The following SOX5 variants were observed in gnomAD, a reference collection of about 807,000 sequenced individuals.
SOX5 encodes the protein transcription factor SOX-5.
In SOX5, 9 loss-of-function variants were observed where a neutral mutation model predicts 92.0. The observed-to-expected ratio is 0.10, with a 90% CI of 0.06 to 0.17. The LOEUF (loss-of-function observed/expected upper bound fraction) is 0.17. Ranked by LOEUF, SOX5 falls within the 10% of genes least tolerant of loss-of-function variation. The probability of loss-of-function intolerance (pLI) is 1.00; values close to 1 mark genes in which losing one functional copy is unlikely to be tolerated. For missense variants in SOX5, 642 were observed against 944.5 expected (o/e 0.68, Z 4.20); for synonymous variants, 344 against 336.3 (o/e 1.02, Z -0.25).
intron 4 of SOX5, among the ~76,000 whole-genome samples, chr12:24,175,916 G>T (rs1224378014): frequency 6.6e-6 from 1 of 151,972 alleles, no homozygotes; most frequent in African/African-American, 2.4e-5. Context: ...GACCCGAACA[G>T]CCAACTGGGC....
intron 1 of SOX5, among the ~76,000 whole-genome samples, chr12:24,425,839 C>T (rs1481511745): frequency 6.6e-6 from 1 of 152,116 alleles, no homozygotes; most frequent in Non-Finnish European, 1.5e-5. Context: ...GTCAAGATCA[C>T]CAGGCAGAAT....
intron 2 of SOX5, among the ~76,000 whole-genome samples, chr12:24,329,955 G>A (rs546895923): frequency 4.8e-4 from 73 of 152,238 alleles, no homozygotes; most frequent in African/African-American, 1.7e-3. Flanking sequence ...CCCGGGAGGC[G>A]GAGGTGGCAG....
rs78857116 is a variant in SOX5 at position 23,850,828 on chromosome 12, T to G, written c.271-4635A>C. Reference sequence around the variant, plus strand: ...CTATAAATGCTATTTTAAACACATATGCACATGCATAAACACACAGACACA... The same window carrying G: ...CTATAAATGCTATTTTAAACACATAGGCACATGCATAAACACACAGACACA... On this transcript the variant is annotated intron_variant, in intron 2 of 14. Coordinates refer to ENST00000451604, the MANE Select transcript of SOX5 (RefSeq NM_006940.6). Among the ~76,000 whole-genome samples the G allele has an allele frequency of 8.1e-4, 123 of 152,298 alleles. No individual in the cohort carries two copies. The East Asian group carries it at 0.021, about 26-fold the overall frequency.
intron 1 of SOX5, among the ~76,000 whole-genome samples, chr12:24,525,939 C>T (rs1277514084): frequency 3.3e-5 from 5 of 152,026 alleles, no homozygotes; most frequent in East Asian, 3.9e-4. Flanking sequence ...TGGCACTACA[C>T]GGCTCACTGC....
At chr12:23,823,070 A>C (rs2096154439) in intron 3 of SOX5, among the ~76,000 whole-genome samples, 1 of 152,072 alleles carries the variant, frequency 6.6e-6, no homozygotes, top group Admixed American at 6.5e-5. Context: ...TCTTTACCCA[A>C]TTTGCCAGTC....
Position 23,839,420 on chromosome 12 carries a change from A to C in SOX5, c.481+6563T>G, listed in dbSNP as rs1825308970. Among the ~76,000 whole-genome samples the C allele has an allele frequency of 2.6e-5, 4 of 152,246 alleles. 1 individual carries two copies. The East Asian group carries it at 7.7e-4, about 29-fold the overall frequency. On this transcript the variant is annotated intron_variant, in intron 3 of 14. Coordinates refer to ENST00000451604, the MANE Select transcript of SOX5 (RefSeq NM_006940.6). ...CTCTCACAAAGCTGGTTCTTGGTAG[A>C]CCTTAGCCCTGAACTCTAAAGGCAT... is the stretch of plus-strand genomic sequence containing the variant.
At chr12:23,719,807 A>AAAAAAC (rs1567209060) in intron 6 of SOX5, among the ~76,000 whole-genome samples, 32 of 140,736 alleles carry the variant, frequency 2.3e-4, no homozygotes, top group East Asian at 4.4e-4. Flanking sequence ...AAAAAAAAAA[A>AAAAAAC]AAAACTGATG....
At chr12:23,692,439 G>GAA (rs11427578) in intron 6 of SOX5, among the ~76,000 whole-genome samples, 14,553 of 132,512 alleles carry the variant, frequency 0.11, 997 homozygotes, top group Non-Finnish European at 0.14. Flanking sequence ...TACGCCTCAG[G>GAA]AAAAAAAAAA....
chr12:23,651,082 T>C (rs1430103823), intron 7 of SOX5, among the ~76,000 whole-genome samples: 1 of 152,064 alleles, frequency 6.6e-6, no homozygotes, highest in African/African-American at 2.4e-5. Flanking sequence ...ATTTAAGAAA[T>C]ATTGTTTCCC....
At chr12:24,351,799 A>G (rs577829392) in intron 2 of SOX5, among the ~76,000 whole-genome samples, 1 of 152,360 alleles carries the variant, frequency 6.6e-6, no homozygotes, top group African/African-American at 2.4e-5. Context: ...TAACATGTAC[A>G]TATTGGAAAT....
At chr12:23,886,356 G>A (rs1381743702) in intron 2 of SOX5, among the ~76,000 whole-genome samples, 2 of 152,092 alleles carry the variant, frequency 1.3e-5, no homozygotes, top group Non-Finnish European at 2.9e-5. Flanking sequence ...TAAATAGGTT[G>A]TTATACAAAG....
chr12:24,159,098 G>A (rs931638417), intron 4 of SOX5, among the ~76,000 whole-genome samples: 15 of 151,748 alleles, frequency 9.9e-5, no homozygotes, highest in Admixed American at 7.2e-4. Context: ...ATGTGCATAG[G>A]AATTTGGTAA....
At chr12:23,759,933 CTTTAA>C (rs2094517840) in intron 3 of SOX5, among the ~76,000 whole-genome samples, 1 of 151,728 alleles carries the variant, frequency 6.6e-6, no homozygotes, top group Non-Finnish European at 1.5e-5. Flanking sequence ...CTGGAGTTTC[CTTTAA>C]TTTTTTTTAA....
At chr12:24,143,664 A>G (rs111694253) in intron 4 of SOX5, among the ~76,000 whole-genome samples, 2,072 of 152,290 alleles carry the variant, frequency 0.014, 55 homozygotes, top group African/African-American at 0.048. Context: ...ATACAGAAAT[A>G]GACACAATCT....
chr12:23,595,623 A>G (rs111513526), intron 9 of SOX5, among the ~76,000 whole-genome samples: 10 of 148,304 alleles, frequency 6.7e-5, no homozygotes, highest in Middle Eastern at 3.5e-3. Context: ...TGCCTCAAAA[A>G]AAAAAAAAAA....
intron 2 of SOX5, among the ~76,000 whole-genome samples, chr12:24,311,525 T>G (rs893770400): frequency 6.6e-6 from 1 of 152,216 alleles, no homozygotes; most frequent in Non-Finnish European, 1.5e-5. Context: ...GATTGAACAT[T>G]ATATTACACA....
intron 2 of SOX5, among the ~76,000 whole-genome samples, chr12:24,356,518 C>T (rs1255322528): frequency 1.3e-5 from 2 of 152,052 alleles, no homozygotes. Context: ...CGAAATAAAA[C>T]ACTTAAACAT....
chr12:24,303,692 T>G (rs536611830), intron 2 of SOX5, among the ~76,000 whole-genome samples: 1 of 152,248 alleles, frequency 6.6e-6, no homozygotes, highest in African/African-American at 2.4e-5. Context: ...ACACATCACA[T>G]GAGTAAATGA....
rs1326690651 is a variant in SOX5, at chr12:23,533,135, T to C, written c.*1084A>G. On this transcript the variant is annotated 3_prime_UTR_variant, in exon 15 of 15. Transcript: ENST00000451604. ...TGTCATTTGAAGTGCAAAGTCAAGG[T>C]CAAGATTATTTCTAGACCAGTCACT... The C allele has an allele frequency of 2.2e-6, 1 of 455,556 alleles. No individual in the cohort carries two copies. Among genetic ancestry groups the C allele is most frequent in the Non-Finnish European group, 4.4e-6 (1 of 226,514 alleles). 28.2% of individuals were successfully genotyped at this position (455,556 alleles called of 1,614,324 possible).
Sources: allele counts gnomAD v4.1 joint callset (sites outside exome capture counted in the v4.1 genomes callset), GRCh38; gene constraint gnomAD v4.1.1; transcripts MANE v1.5; gene names NCBI Gene and HGNC (gene_info 2026-07-23, HGNC 2026-07-21).